The following SCEL variants were observed in gnomAD, a reference collection of about 807,000 sequenced individuals.
SCEL encodes the protein sciellin.
SCEL carries 113 observed loss-of-function variants against 117.6 expected under a neutral mutation model. The ratio of observed to expected loss-of-function variants is 0.96; its 90% CI spans 0.83 to 1.12. SCEL has a LOEUF of 1.12. Ranked by LOEUF, SCEL falls within the 50% of genes most tolerant of loss-of-function variation. SCEL has a pLI of 0.00. For missense variants in SCEL, 785 were observed against 810.8 expected (o/e 0.97, Z 0.39); for synonymous variants, 270 against 256.2 (o/e 1.05, Z -0.51).
chr13:77,597,127 G>C (rs984107791), intron 12 of SCEL: 19 of 175,080 alleles, frequency 1.1e-4, no homozygotes, highest in South Asian at 7.2e-4. Context: ...TGGGTATTAA[G>C]TATCTACTGT....
At chr13:77,540,362 T>C (rs2083639177) in intron 1 of SCEL, among the ~76,000 whole-genome samples, 1 of 152,084 alleles carries the variant, frequency 6.6e-6, no homozygotes, top group South Asian at 2.1e-4. Flanking sequence ...TATGTGTGTA[T>C]ACTTGTGGGT....
rs2090517631 is a variant in SCEL at position 77,640,699 on chromosome 13, G to A, written c.1862G>A (p.Cys621Tyr). 6.3e-7 allele frequency: 1 copy of A among 1,597,292 alleles called. No individual in the cohort carries two copies. Among genetic ancestry groups the A allele is most frequent in the Non-Finnish European group, 8.6e-7 (1 of 1,168,712 alleles). ...AGGTCTGTCATTGAAAGAGATATGT[G>A]CACTTACTGCCGAAAACCCTTGGGT... Reference protein sequence around the residue: ...SDRSVIERDMCTYCRKPLGVE... With the variant: ...SDRSVIERDMYTYCRKPLGVE... The change falls in exon 31 of 33, where the codon TGC becomes TAC. Residue 621 changes from cysteine (C) to tyrosine (Y), a missense_variant. Cys to Tyr is a radical substitution (Grantham distance 194, BLOSUM62 -2). Transcript: ENST00000349847.
chr13:77,587,079 C>G (rs1185412522), intron 9 of SCEL, among the ~76,000 whole-genome samples: 1 of 151,894 alleles, frequency 6.6e-6, no homozygotes, highest in Non-Finnish European at 1.5e-5. Flanking sequence ...TTTTCTCCGC[C>G]TCTTTCTTTC....
At chr13:77,607,935 G>T in intron 19 of SCEL, 121 bp from the exon 20 acceptor site, 1 of 643,688 alleles carries the variant, frequency 1.6e-6, no homozygotes, top group Non-Finnish European at 2.6e-6. Context: ...CAACTCCTTG[G>T]CATGATCTCA....
intron 12 of SCEL, among the ~76,000 whole-genome samples, chr13:77,594,818 TG>T (rs1488188154): frequency 1.3e-5 from 2 of 152,176 alleles, no homozygotes; most frequent in African/African-American, 4.8e-5. Context: ...CTAAGAGTGT[TG>T]TTAGAGATTG....
At chr13:77,575,201 T>C (rs1422917415) in intron 9 of SCEL, among the ~76,000 whole-genome samples, 1 of 152,250 alleles carries the variant, frequency 6.6e-6, no homozygotes, top group Non-Finnish European at 1.5e-5. Flanking sequence ...TATTGTGTTT[T>C]GATTAAAATC....
chr13:77,631,778 G>A (rs142085288), intron 28 of SCEL, among the ~76,000 whole-genome samples: 99 of 152,324 alleles, frequency 6.5e-4, no homozygotes, highest in African/African-American at 2.3e-3. Context: ...TGAAGGCATT[G>A]TCATTAATCA....
chr13:77,592,354 C>T (rs2086921113), intron 11 of SCEL, among the ~76,000 whole-genome samples: 1 of 152,130 alleles, frequency 6.6e-6, no homozygotes, highest in Admixed American at 6.6e-5. Context: ...AAGAAGAGTT[C>T]AGTGTTTCAC....
intron 4 of SCEL, among the ~76,000 whole-genome samples, chr13:77,560,811 GTC>G (rs1375989976): frequency 6.6e-6 from 1 of 152,144 alleles, no homozygotes; most frequent in Admixed American, 6.5e-5. Flanking sequence ...AGTAGCTTGT[GTC>G]TGTTTGTCAT....
intron 1 of SCEL, among the ~76,000 whole-genome samples, chr13:77,543,989 A>G (rs968446669): frequency 1.3e-5 from 2 of 152,138 alleles, no homozygotes; most frequent in African/African-American, 4.8e-5. Flanking sequence ...CACTGCCCAC[A>G]TTTCCAACTC....
chr13:77,557,858 C>G (rs1377136894), intron 3 of SCEL, among the ~76,000 whole-genome samples: 1 of 152,160 alleles, frequency 6.6e-6, no homozygotes, highest in Non-Finnish European at 1.5e-5. Flanking sequence ...GATACTTACT[C>G]TAAACTATCT....
rs71203061 is a variant in SCEL, at chr13:77,543,082, CT to C, written c.-20+7277del. On this transcript the variant is annotated intron_variant, in intron 1 of 32. Coordinates refer to ENST00000349847, the MANE Select transcript of SCEL (RefSeq NM_144777.3). ...TATTTGTTTATTTATTCTACTTTAGCTTTTTTTTTTTTTTTTTTTGAGACGG... is the reference window on the plus strand; with the variant it reads ...TATTTGTTTATTTATTCTACTTTAGCTTTTTTTTTTTTTTTTTTGAGACGG... Among the ~76,000 whole-genome samples the C allele has an allele frequency of 1.9e-3, 238 of 122,448 alleles. 2 individuals carry two copies. Among genetic ancestry groups the C allele is most frequent in the East Asian group, 0.012 (54 of 4,514 alleles). 80.3% of individuals were successfully genotyped at this position (122,448 alleles called of 152,430 possible).
chr13:77,606,163 CAT>C (rs1412745102), intron 19 of SCEL, among the ~76,000 whole-genome samples: 1 of 152,094 alleles, frequency 6.6e-6, no homozygotes, highest in East Asian at 1.9e-4. Flanking sequence ...TTCCCATGTA[CAT>C]GAGTGTGTGC....
At chr13:77,593,419 A>G in intron 11 of SCEL, 95 bp from the exon 12 acceptor site, 1 of 865,444 alleles carries the variant, frequency 1.2e-6, no homozygotes, top group Non-Finnish European at 1.9e-6. Context: ...CACCTAGACT[A>G]TTTACTTTAT....
chr13:77,596,334 A>T (rs577956692), intron 12 of SCEL, among the ~76,000 whole-genome samples: 1 of 116,512 alleles, frequency 8.6e-6, no homozygotes, highest in Admixed American at 8.4e-5. Context: ...ACTCTGTCTT[A>T]AAAAAAAAAA....
In SCEL at chr13:77,609,052, T is replaced by C; in HGVS notation, c.1218-6T>C. The C allele has an allele frequency of 6.3e-7, 1 of 1,581,938 alleles. No individual in the cohort carries two copies. Among genetic ancestry groups the C allele is most frequent in the Non-Finnish European group, 8.6e-7 (1 of 1,168,822 alleles). On this transcript the variant is annotated splice_region_variant and splice_polypyrimidine_tract_variant and intron_variant, in intron 20 of 32. Transcript: ENST00000349847. ...TTTATGATGTTTTTTGTTTTTTTGT[T>C]TGAAGTTCCAAAGACCTTAATAACT...
chr13:77,591,576 C>G, intron 11 of SCEL, 116 bp downstream of exon 11: 1 of 632,190 alleles, frequency 1.6e-6, no homozygotes, highest in Non-Finnish European at 2.8e-6. Context: ...AGTTTTCCAA[C>G]TGACTCCAAA....
chr13:77,593,259 A>AGTGTGTGT (rs4052543), intron 11 of SCEL, among the ~76,000 whole-genome samples: 1,911 of 111,120 alleles, frequency 0.017, 33 homozygotes, highest in East Asian at 0.024. Flanking sequence ...AACAGAGGGG[A>AGTGTGTGT]GTGTGTGTGT....
At chr13:77,613,800 T>C in intron 23 of SCEL, 93 bp from the exon 24 acceptor site, 1 of 965,474 alleles carries the variant, frequency 1.0e-6, no homozygotes, top group Non-Finnish European at 1.7e-6. Flanking sequence ...TTATGAGTTC[T>C]TACACTAGGA....
Sources: gnomAD v4.1 joint callset for allele counts (sites outside exome capture counted in the v4.1 genomes callset) on GRCh38, gnomAD v4.1.1 for gene constraint, MANE v1.5 for transcripts, NCBI Gene and HGNC (gene_info 2026-07-23, HGNC 2026-07-21) for gene names.